The following VAT1L variants were observed in gnomAD, a reference collection of about 807,000 sequenced individuals.
VAT1L encodes putative NADPH-dependent quinone oxidoreductase VAT1L.
VAT1L carries 34 observed loss-of-function variants against 44.1 expected under a neutral mutation model. That is an observed-to-expected ratio of 0.77 (90% CI 0.59 to 1.03). VAT1L has a LOEUF of 1.03. Ranked by LOEUF, VAT1L falls within the 50% of genes least tolerant of loss-of-function variation. VAT1L has a pLI of 0.00. For synonymous variants in VAT1L, 253 were observed against 202.2 expected (o/e 1.25, Z -2.13); for missense variants, 615 against 538.8 (o/e 1.14, Z -1.40).
At chr16:77,877,531 A>C (rs1230144247) in intron 5 of VAT1L, among the ~76,000 whole-genome samples, 4 of 75,470 alleles carry the variant, frequency 5.3e-5, no homozygotes, top group Non-Finnish European at 9.0e-5. Context: ...AAAAAAAAAA[A>C]AAAAAAAAAA....
chr16:77,790,386 A>G (rs533692756), intron 1 of VAT1L, among the ~76,000 whole-genome samples: 1 of 152,284 alleles, frequency 6.6e-6, no homozygotes, highest in African/African-American at 2.4e-5. Flanking sequence ...TTTCGCAGCT[A>G]AATCCCCAAA....
chr16:77,954,453 G>A (rs1484303316), intron 7 of VAT1L, among the ~76,000 whole-genome samples: 4 of 152,006 alleles, frequency 2.6e-5, no homozygotes, highest in South Asian at 2.1e-4. Context: ...GGTGAAACCC[G>A]GTCTCTACTA....
chr16:77,975,685 T>C (rs572486637), intron 8 of VAT1L, among the ~76,000 whole-genome samples: 1 of 152,248 alleles, frequency 6.6e-6, no homozygotes, highest in South Asian at 2.1e-4. Context: ...ACACTAAGAG[T>C]GGAGTCTCTC....
intron 8 of VAT1L, 151 bp downstream of exon 8, chr16:77,972,084 G>A (rs1405253143): frequency 4.5e-6 from 3 of 673,186 alleles, no homozygotes; most frequent in Admixed American, 3.0e-5. Flanking sequence ...CATACATGAG[G>A]GATTCATGAC....
At chr16:77,801,154 T>A (rs2016042710) in intron 1 of VAT1L, 1 of 152,098 alleles carries the variant, frequency 6.6e-6, no homozygotes, top group Admixed American at 6.6e-5. Context: ...TTGGGTACTT[T>A]CCAAGTTCCA....
intron 7 of VAT1L, among the ~76,000 whole-genome samples, chr16:77,939,135 C>T (rs1241311939): frequency 2.0e-5 from 3 of 152,214 alleles, no homozygotes; most frequent in Non-Finnish European, 4.4e-5. Flanking sequence ...AGTAACCTTC[C>T]TCTGCTAGCT....
At chr16:77,823,878 C>G (rs182341390) in intron 2 of VAT1L, among the ~76,000 whole-genome samples, 297 of 152,146 alleles carry the variant, frequency 2.0e-3, no homozygotes, top group Middle Eastern at 0.01. Context: ...AAATAAATAA[C>G]CAGGCATTGT....
At chr16:77,928,789 AAGTCACTGTG>A (rs2017696968) in intron 7 of VAT1L, among the ~76,000 whole-genome samples, 1 of 151,658 alleles carries the variant, frequency 6.6e-6, no homozygotes, top group South Asian at 2.1e-4. Context: ...GAAGTCTTCT[AAGTCACTGTG>A]CCAGTATGCT....
chr16:77,839,088 A>C (rs1415352472), intron 3 of VAT1L, among the ~76,000 whole-genome samples: 3 of 152,102 alleles, frequency 2.0e-5, no homozygotes, highest in African/African-American at 7.2e-5. Flanking sequence ...GGGAGGAGTA[A>C]AAGCTGCCGC....
At chr16:77,851,377 G>A (rs145611979) in intron 3 of VAT1L, among the ~76,000 whole-genome samples, 2 of 152,282 alleles carry the variant, frequency 1.3e-5, no homozygotes, top group Admixed American at 6.5e-5. Flanking sequence ...GGCCAGGCAC[G>A]GTGGCTTATG....
rs923285851 is a variant in VAT1L at position 77,979,789 on chromosome 16, C to G, written c.*2094C>G. ...AAGAAAACCCTTTCAGAATACAGAA[C>G]GAGAAAACTAGAGTTTGACCAATAA... On this transcript the variant is annotated 3_prime_UTR_variant, in exon 9 of 9. Transcript: ENST00000302536. 2 of 152,612 alleles carry G rather than the reference C, an allele frequency of 1.3e-5. No homozygotes were observed. The highest frequency in any genetic ancestry group is 2.9e-5 in the Non-Finnish European group (2 of 68,028). The allele number at this position is 152,612 out of a possible 1,614,324, so 9.5% of individuals were successfully genotyped here.
intron 8 of VAT1L, among the ~76,000 whole-genome samples, chr16:77,974,666 G>T (rs1014819824): frequency 2.0e-5 from 3 of 152,148 alleles, no homozygotes; most frequent in East Asian, 1.9e-4. Flanking sequence ...GGGTTCAAGC[G>T]ATCCTCCCAC....
intron 1 of VAT1L, among the ~76,000 whole-genome samples, chr16:77,808,977 G>A (rs1030954915): frequency 6.6e-6 from 1 of 152,102 alleles, no homozygotes; most frequent in Admixed American, 6.5e-5. Context: ...CCTAGTATAC[G>A]GCATAGTATA....
chr16:77,921,693 A>G (rs2142494474), intron 7 of VAT1L, among the ~76,000 whole-genome samples: 1 of 152,280 alleles, frequency 6.6e-6, no homozygotes, highest in East Asian at 1.9e-4. Flanking sequence ...AGGCACTTGT[A>G]CTAAGTCACC....
intron 3 of VAT1L, among the ~76,000 whole-genome samples, chr16:77,845,775 T>G (rs72790994): frequency 3.3e-5 from 5 of 152,258 alleles, no homozygotes; most frequent in African/African-American, 4.8e-5. Flanking sequence ...CTATTCACCA[T>G]TTAAATGTCA....
chr16:77,821,301 T>C (rs1348574495), intron 2 of VAT1L, among the ~76,000 whole-genome samples: 4 of 136,950 alleles, frequency 2.9e-5, no homozygotes, highest in South Asian at 2.3e-4. Flanking sequence ...AAATCTTGTC[T>C]TTTTTTTTTT....
intron 7 of VAT1L, among the ~76,000 whole-genome samples, chr16:77,967,064 C>T (rs531279995): frequency 2.6e-5 from 4 of 152,190 alleles, no homozygotes; most frequent in African/African-American, 4.8e-5. Context: ...CTGTCACCCC[C>T]GCCGGGGTGC....
intron 7 of VAT1L, among the ~76,000 whole-genome samples, chr16:77,941,088 T>C (rs1175784941): frequency 1.3e-5 from 2 of 152,238 alleles, no homozygotes; most frequent in Non-Finnish European, 2.9e-5. Flanking sequence ...CTGATTTTTT[T>C]CCCATTTATG....
In VAT1L at chr16:77,789,022, G is replaced by C. The variant is rs972257222; in HGVS notation, c.233+107G>C. 3.8e-6 allele frequency: 5 copies of C among 1,310,738 alleles called. No homozygotes were observed. The African/African-American group carries it at 4.7e-5, about 12-fold the overall frequency. The allele number at this position is 1,310,738 out of a possible 1,614,324, so 81.2% of individuals were successfully genotyped here. A position where few individuals can be genotyped will look rare whatever the true frequency, so the allele number is the denominator to read the frequency against. ...TGCTGCCCGGGTAGAACCGCCGCGC[G>C]CACCCCCTCCGCGCCCTCACCCGGG... On this transcript the variant is annotated intron_variant, in intron 1 of 8. Coordinates refer to ENST00000302536, the MANE Select transcript of VAT1L (RefSeq NM_020927.3).
Sources: gnomAD v4.1 joint callset for allele counts (sites outside exome capture counted in the v4.1 genomes callset) on GRCh38, gnomAD v4.1.1 for gene constraint, MANE v1.5 for transcripts, NCBI Gene and HGNC (gene_info 2026-07-23, HGNC 2026-07-21) for gene names.